Variants in MESD observed in about 807,000 individuals in gnomAD.
The protein encoded by MESD is mesoderm development LRP chaperone, also known as LRP chaperone MESD.
MESD carries 7 observed loss-of-function variants against 12.9 expected under a neutral mutation model. The observed-to-expected ratio is 0.54, with a 90% CI of 0.31 to 1.02. The LOEUF is 1.02. MESD is among the 50% of genes least tolerant of loss of function. The probability of loss-of-function intolerance (pLI) is 0.05; values close to 1 mark genes in which losing one functional copy is unlikely to be tolerated. For missense variants in MESD, 342 were observed against 296.7 expected, an observed-to-expected ratio of 1.15 and a Z score of -1.12; for synonymous variants, 126 against 115.6, an observed-to-expected ratio of 1.09 and a Z score of -0.58.
intron 3 of MESD, among the ~76,000 whole-genome samples, chr15:80,966,627 G>C (rs935722195): frequency 6.6e-6 from 1 of 152,148 alleles, no homozygotes; most frequent in African/African-American, 2.4e-5. Context: ...GGCTGCCTCT[G>C]TGTCCACTCA....
intron 4 of MESD, chr15:80,951,781 CTGTT>C (rs796770668): frequency 7.1e-4 from 110 of 154,766 alleles, no homozygotes; most frequent in African/African-American, 1.8e-3. Flanking sequence ...ATCATCTTGT[CTGTT>C]TGTTTCATTT....
At chr15:80,973,804 T>G (rs1902343968), downstream of MESD, among the ~76,000 whole-genome samples, 1 of 152,212 alleles carries the variant, frequency 6.6e-6, no homozygotes, top group South Asian at 2.1e-4. Flanking sequence ...TTAAAAATAT[T>G]GCATTAAAAT....
rs1270705890 is a variant in MESD, at chr15:80,989,598, C to T, written c.194G>A (p.Arg65His). 1.2e-6 allele frequency: 2 copies of T among 1,613,536 alleles called. No individual in the cohort carries two copies. The highest frequency in any genetic ancestry group is 1.1e-5 in the South Asian group (1 of 91,068). Residue 65 changes from arginine (R) to histidine (H), a missense_variant, in exon 1 of 3, where the codon CGT becomes CAT. Transcript: ENST00000261758. ...IRDYNDADMA[R>H]LLEQWEKDDD... ...GCGGACCTCCCATTGCTCCAGAAGACGCGCCATGTCTGCATCATTGTAATC... is the reference window on the plus strand; with the variant it reads ...GCGGACCTCCCATTGCTCCAGAAGATGCGCCATGTCTGCATCATTGTAATC...
intron 1 of MESD, among the ~76,000 whole-genome samples, chr15:80,984,648 A>G (rs1241470603): frequency 6.6e-6 from 1 of 152,212 alleles, no homozygotes; most frequent in Non-Finnish European, 1.5e-5. Flanking sequence ...GGGGATGATA[A>G]AAATGTTCTA....
At chr15:80,987,437 C>T (rs935956012) in intron 1 of MESD, among the ~76,000 whole-genome samples, 2 of 151,752 alleles carry the variant, frequency 1.3e-5, no homozygotes, top group Non-Finnish European at 2.9e-5. Flanking sequence ...TTTACAGATA[C>T]GTAAAACTAG....
At chr15:80,947,162 T>G (rs550041715), downstream of MESD, 1 of 772,386 alleles carries the variant, frequency 1.3e-6, no homozygotes, top group East Asian at 2.7e-5. Flanking sequence ...GTTGAGAACA[T>G]GCTTTGTACT....
downstream of MESD, chr15:80,947,152 G>C: frequency 1.2e-6 from 1 of 831,160 alleles, no homozygotes; most frequent in Middle Eastern, 2.2e-4. Flanking sequence ...CTTTTGCTGA[G>C]TTGAGAACAT....
At chr15:80,969,592 C>CG (rs1210572596) in intron 3 of MESD, among the ~76,000 whole-genome samples, 6 of 152,038 alleles carry the variant, frequency 3.9e-5, no homozygotes, top group Admixed American at 2.0e-4. Flanking sequence ...TGGTGGCTCA[C>CG]GCCTGTAACC....
intron 3 of MESD, chr15:80,952,303 G>A (rs536207749): frequency 2.4e-5 from 11 of 449,030 alleles, no homozygotes; most frequent in African/African-American, 1.4e-4. Flanking sequence ...GGGTCTGGAA[G>A]GGAGAGAGTG....
exon 4 of MESD, chr15:80,952,021 G>A (rs1901850067): frequency 1.1e-5 from 4 of 356,078 alleles, no homozygotes; most frequent in Admixed American, 1.1e-4. Context: ...AGAAAGAGAA[G>A]ATATCATTCA....
rs1238746107 is a variant in MESD, at chr15:80,964,287, AAGG to A, written c.*289-11994_*289-11992del. On this transcript the variant is annotated intron_variant, in intron 3 of 4. Transcript: ENST00000561312. ...TACAAGGGATGTGAAGGACCTCTTC[AAGG>A]AGAACTACAAACCACTGCTCAATGA... 3.3e-5 allele frequency among the ~76,000 whole-genome samples: 5 copies of A among 152,344 alleles called. No individual in the cohort carries two copies. The East Asian group carries it at 7.7e-4, about 23-fold the overall frequency.
At chr15:80,953,687 G>A (rs1012541) in intron 3 of MESD, among the ~76,000 whole-genome samples, 20,014 of 152,150 alleles carry the variant, frequency 0.13, 2,626 homozygotes, top group African/African-American at 0.34. Context: ...ATGGTGCTGG[G>A]AAGGCCTGGA....
intron 1 of MESD, among the ~76,000 whole-genome samples, chr15:80,988,813 A>C (rs975252781): frequency 2.6e-5 from 4 of 152,224 alleles, no homozygotes; most frequent in Non-Finnish European, 4.4e-5. Context: ...CAGCTATGCA[A>C]GTCAACCAGG....
At chr15:80,949,210 G>A in intron 4 of MESD, 1 of 462,596 alleles carries the variant, frequency 2.2e-6, no homozygotes, top group South Asian at 2.0e-5. Context: ...CTCTTCAGTG[G>A]GGGTTTGGGG....
downstream of MESD, among the ~76,000 whole-genome samples, chr15:80,972,147 G>C (rs1217836595): frequency 6.6e-6 from 1 of 152,158 alleles, no homozygotes; most frequent in Non-Finnish European, 1.5e-5. Flanking sequence ...GATAAGTAGA[G>C]ATCAGGAAAA....
At chr15:80,950,387 A>G (rs932639830) in intron 4 of MESD, 3 of 152,412 alleles carry the variant, frequency 2.0e-5, no homozygotes, top group East Asian at 3.9e-4. Context: ...AATGGGGACA[A>G]GTCCCCTCGA....
At chr15:80,982,285 T>A in intron 1 of MESD, 103 bp from the exon 2 acceptor site, 1 of 851,652 alleles carries the variant, frequency 1.2e-6, no homozygotes, top group Non-Finnish European at 1.9e-6. Flanking sequence ...GTATATGACT[T>A]AAATTACAAC....
chr15:80,975,612 G>A (rs1377902827), downstream of MESD: 2 of 150,672 alleles, frequency 1.3e-5, no homozygotes, highest in African/African-American at 2.4e-5. Flanking sequence ...ATACTAAGTT[G>A]GTTTAATTTA....
intron 2 of MESD, among the ~76,000 whole-genome samples, chr15:80,981,746 T>C (rs1902585298): frequency 6.6e-6 from 1 of 152,004 alleles, no homozygotes; most frequent in South Asian, 2.1e-4. Flanking sequence ...TTCCAGCTAC[T>C]CGGGAGGCTG....
Sources: gnomAD v4.1 joint callset for allele counts (sites outside exome capture counted in the v4.1 genomes callset) on GRCh38, gnomAD v4.1.1 for gene constraint, MANE v1.5 for transcripts, NCBI Gene and HGNC (gene_info 2026-07-23, HGNC 2026-07-21) for gene names.